Variants in GALNT9 observed in about 807,000 individuals in gnomAD.
GALNT9 encodes GalNAc transferase 9.
Under a neutral mutation model 63.1 loss-of-function variants are expected in GALNT9, and 47 were observed. That is an observed-to-expected ratio of 0.75 (90% CI 0.59 to 0.95). The LOEUF is 0.95. GALNT9 is among the 40% of genes least tolerant of loss of function. The pLI is 0.00. For missense variants in GALNT9, 829 were observed against 874.8 expected (o/e 0.95, Z 0.66); for synonymous variants, 396 against 365.7 (o/e 1.08, Z -0.94).
chr12:132,237,862 A>G (rs1034027082), intron 6 of GALNT9, among the ~76,000 whole-genome samples: 20 of 152,046 alleles, frequency 1.3e-4, no homozygotes, highest in Non-Finnish European at 1.5e-4. Context: ...GGGGGGTGGA[A>G]CCCTCCATCT....
At chr12:132,323,791 G>C (rs1178041193) in intron 1 of GALNT9, among the ~76,000 whole-genome samples, 2 of 152,220 alleles carry the variant, frequency 1.3e-5, no homozygotes, top group Non-Finnish European at 2.9e-5. Context: ...CACAATCATG[G>C]GGAAGCTGTG....
rs1868451759 is a variant in GALNT9 at position 132,315,282 on chromosome 12, G to A, written c.238+13684C>T. On this transcript the variant is annotated intron_variant, in intron 1 of 10. Coordinates refer to ENST00000328957, the MANE Select transcript of GALNT9 (RefSeq NM_001122636.2). The surrounding 1 kb of genome is among the most constrained non-coding windows in gnomAD (Gnocchi z 6.1). ...GCCTCCCCTGTGTCCACTGCAAAGT[G>A]CTCGAGCCTCAGAATATAATCAGGG... Among the ~76,000 whole-genome samples, 1 of 127,000 alleles carries A rather than the reference G, an allele frequency of 7.9e-6. No homozygotes were observed. The highest frequency in any genetic ancestry group is 3.0e-5 in the African/African-American group (1 of 33,154). The allele number at this position is 127,000 out of a possible 152,430, so 83.3% of individuals were successfully genotyped here.
In GALNT9 at chr12:132,303,974, G is replaced by C. The variant is rs181321361; in HGVS notation, c.239-17544C>G. ...ACCCTCACCTGGGCACAGCCTCACC[G>C]GGGCACACCCTCACCCAGACACAGC... On this transcript the variant is annotated intron_variant, in intron 1 of 10. Coordinates refer to ENST00000328957, the MANE Select transcript of GALNT9 (RefSeq NM_001122636.2). Among the ~76,000 whole-genome samples, 65 of 9,416 alleles carry C rather than the reference G, an allele frequency of 6.9e-3. 1 individual carries two copies. The highest frequency in any genetic ancestry group is 0.017 in the Admixed American group (11 of 656). 6.2% of individuals were successfully genotyped at this position (9,416 alleles called of 152,430 possible).
intron 6 of GALNT9, among the ~76,000 whole-genome samples, chr12:132,209,362 T>TAAA (rs535876437): frequency 2.0e-5 from 3 of 150,476 alleles, no homozygotes; most frequent in African/African-American, 7.4e-5. Flanking sequence ...CCGTCTTTAC[T>TAAA]AAAAAAAATA....
At chr12:132,285,133 G>A (rs1289519396) in intron 2 of GALNT9, among the ~76,000 whole-genome samples, 1 of 152,342 alleles carries the variant, frequency 6.6e-6, no homozygotes, top group East Asian at 1.9e-4. Flanking sequence ...CACACCAGGA[G>A]CTGCAGAGGG....
At chr12:132,285,993 G>C (rs1880568440) in intron 2 of GALNT9, among the ~76,000 whole-genome samples, 1 of 152,100 alleles carries the variant, frequency 6.6e-6, no homozygotes, top group African/African-American at 2.4e-5. Context: ...TCCCACAGCA[G>C]ACCTTTGCGC....
rs1876362182 is a variant in GALNT9 at position 132,203,520 on chromosome 12, C to T, written c.1248G>A (p.Trp416Ter). The T allele has an allele frequency of 6.2e-7, 1 of 1,613,852 alleles. No individual in the cohort carries two copies. The highest frequency in any genetic ancestry group is 1.3e-5 in the African/African-American group (1 of 75,072). The change falls in exon 7 of 11, where the codon TGG (tryptophan) becomes TGA (stop). Residue 416 changes from tryptophan (W) to a stop codon, truncating the protein, a stop_gained. Transcript: ENST00000328957. LOFTEE classifies it high-confidence loss of function. ...DDFKSHVYMA[W>*]NIPMSNPGVD... ...GGGGACTCACCGACATGGGGATGTT[C>T]CAGGCCATGTACACGTGGGACTTGA...
At chr12:132,263,563 GC>G (rs1879486121) in intron 2 of GALNT9, among the ~76,000 whole-genome samples, 1 of 152,086 alleles carries the variant, frequency 6.6e-6, no homozygotes. Flanking sequence ...CCATGGGGTG[GC>G]CCCCCTCACC....
chr12:132,294,078 G>A (rs546235255), intron 1 of GALNT9, among the ~76,000 whole-genome samples: 6 of 152,264 alleles, frequency 3.9e-5, no homozygotes, highest in Non-Finnish European at 5.9e-5. Context: ...CACAGAATCT[G>A]TGAATGATGT....
rs573609084 is a variant in GALNT9 at position 132,203,502 on chromosome 12, C to T, written c.1263+3G>A. The T allele has an allele frequency of 4.3e-6, 7 of 1,613,512 alleles. No homozygotes were observed. The South Asian group carries it at 6.6e-5, about 15-fold the overall frequency. ...CCCGGCTCCCGGCCTGTGGGGGACT[C>T]ACCGACATGGGGATGTTCCAGGCCA... On this transcript the variant is annotated splice_donor_region_variant and intron_variant, in intron 7 of 10. Coordinates refer to ENST00000328957, the MANE Select transcript of GALNT9 (RefSeq NM_001122636.2).
In GALNT9 at chr12:132,203,609, TG is replaced by T. The variant is rs1565984009; in HGVS notation, c.1158del (p.Asn386LysfsTer55). ...CGCTTGGCATAGTAGTCAATGTCGT[TG>T]TTGTAGGGCTTCCTGGTGCGCTCGA... ...AHIERTRKPY[N>X]NDIDYYAKRN... On this transcript the variant is annotated frameshift_variant, in exon 7 of 11. Coordinates refer to ENST00000328957, the MANE Select transcript of GALNT9 (RefSeq NM_001122636.2). LOFTEE classifies it high-confidence loss of function. The T allele has an allele frequency of 1.2e-6, 2 of 1,613,816 alleles. No homozygotes were observed. Among genetic ancestry groups the T allele is most frequent in the Non-Finnish European group, 1.7e-6 (2 of 1,179,750 alleles).
At chr12:132,268,818 A>G (rs1189452638) in intron 2 of GALNT9, among the ~76,000 whole-genome samples, 11 of 152,076 alleles carry the variant, frequency 7.2e-5, no homozygotes, top group Non-Finnish European at 1.6e-4. Flanking sequence ...TGCCACTCGG[A>G]GCCACACGGG....
chr12:132,321,242 T>A (rs1868780091), intron 1 of GALNT9, among the ~76,000 whole-genome samples: 1 of 151,160 alleles, frequency 6.6e-6, no homozygotes, highest in Admixed American at 6.6e-5. Flanking sequence ...GAGGCCCCTG[T>A]CGGTCCGGAG....
rs561302384 is a variant in GALNT9, at chr12:132,246,696, T to C, written c.1077+1214A>G. ...TATAGGCATGCACCACCATGCCTGG[T>C]TAATTTTTGTATTTTTAGTAGAGGC... On this transcript the variant is annotated intron_variant, in intron 6 of 10. Coordinates refer to ENST00000328957, the MANE Select transcript of GALNT9 (RefSeq NM_001122636.2). This position sits in a 1 kb window ranked among gnomAD's most constrained non-coding sequence, Gnocchi z 4.7. 6.6e-6 allele frequency among the ~76,000 whole-genome samples: 1 copy of C among 152,206 alleles called. No individual in the cohort carries two copies. Among genetic ancestry groups the C allele is most frequent in the East Asian group, 1.9e-4 (1 of 5,184 alleles).
At chr12:132,304,387 A>T (rs1467430486) in intron 1 of GALNT9, among the ~76,000 whole-genome samples, 3 of 97,990 alleles carry the variant, frequency 3.1e-5, no homozygotes, top group African/African-American at 9.8e-5. Flanking sequence ...GCACACCCTC[A>T]CCGGGGCACA....
At chr12:132,308,159 C>T (rs1593119030) in intron 1 of GALNT9, among the ~76,000 whole-genome samples, 3 of 152,194 alleles carry the variant, frequency 2.0e-5, no homozygotes, top group Admixed American at 6.5e-5. Flanking sequence ...TGGCCAACGG[C>T]GCCTGGAGCC....
At chr12:132,328,835 T>C in intron 1 of GALNT9, 131 bp downstream of exon 1, 1 of 1,160,058 alleles carries the variant, frequency 8.6e-7, no homozygotes, top group Non-Finnish European at 1.1e-6. Context: ...TTCCCTCTCC[T>C]CTCTCCTGTA....
In GALNT9 at chr12:132,236,329, A is replaced by G. The variant is rs1593074802; in HGVS notation, c.1077+11581T>C. On this transcript the variant is annotated intron_variant, in intron 6 of 10. Coordinates refer to ENST00000328957, the MANE Select transcript of GALNT9 (RefSeq NM_001122636.2). This position sits in a 1 kb window ranked among gnomAD's most constrained non-coding sequence, Gnocchi z 5.6. The stretch of plus-strand genomic sequence containing the variant: ...GTCGCGGTGGGCCTGGGTCGGGGCC[A>G]AGGGAGCCACATCCAGTGTGGGGGC... 2.6e-5 allele frequency among the ~76,000 whole-genome samples: 4 copies of G among 152,100 alleles called. No individual in the cohort carries two copies. The highest frequency in any genetic ancestry group is 9.6e-5 in the African/African-American group (4 of 41,474).
chr12:132,244,891 C>G (rs1878649156), intron 6 of GALNT9, among the ~76,000 whole-genome samples: 1 of 150,626 alleles, frequency 6.6e-6, no homozygotes, highest in African/African-American at 2.4e-5. Flanking sequence ...GGTTCTGGTT[C>G]TCAGCCTGTC....
Sources: allele counts gnomAD v4.1 joint callset (sites outside exome capture counted in the v4.1 genomes callset), GRCh38; gene constraint gnomAD v4.1.1; non-coding constraint Gnocchi (gnomAD v3.1); transcripts MANE v1.5; gene names NCBI Gene and HGNC (gene_info 2026-07-23, HGNC 2026-07-21).